HLCS: variants seen among roughly 807,000 people sequenced by gnomAD.
HLCS encodes biotin--protein ligase.
A neutral mutation model predicts 75.0 loss-of-function variants in HLCS; 53 were observed. The ratio of observed to expected loss-of-function variants is 0.71; its 90% CI spans 0.57 to 0.89. The LOEUF (loss-of-function observed/expected upper bound fraction) is 0.89. HLCS is among the 40% of genes least tolerant of loss of function. HLCS has a pLI of 0.00. For missense variants in HLCS, 966 were observed against 1,074.0 expected, an observed-to-expected ratio of 0.90 and a Z score of 1.41; for synonymous variants, 431 against 428.6, an observed-to-expected ratio of 1.01 and a Z score of -0.07.
rs1426662530 is a variant in HLCS, at chr21:36,936,742, C to T, written c.1144G>A (p.Ala382Thr). Reference sequence around the variant, plus strand: ...ACCTTCCCTCCCTGAGAAAGATAGGCCATGAACTTCTGGTACAGGTCTTCG... The same window carrying T: ...ACCTTCCCTCCCTGAGAAAGATAGGTCATGAACTTCTGGTACAGGTCTTCG... The part of the protein sequence containing the change: ...IPEDLYQKFM[A>T]YLSQGGKVLG... The change falls in exon 4 of 11, where the codon GCC (alanine) becomes ACC (threonine). Residue 382 changes from alanine (A) to threonine (T), a missense_variant. By Grantham distance (58) the Ala-to-Thr change is moderately conservative. Coordinates refer to ENST00000674895, the MANE Select transcript of HLCS (RefSeq NM_001352514.2). The T allele has an allele frequency of 1.2e-6, 2 of 1,614,226 alleles. No individual in the cohort carries two copies. Among genetic ancestry groups the T allele is most frequent in the South Asian group, 2.2e-5 (2 of 91,084 alleles).
At chr21:36,878,229 C>T (rs1490658751) in intron 6 of HLCS, among the ~76,000 whole-genome samples, 1 of 151,626 alleles carries the variant, frequency 6.6e-6, no homozygotes, top group East Asian at 1.9e-4. Flanking sequence ...GTCCCTGAGG[C>T]TCTGTTTATT....
At chr21:36,783,498 G>A (rs113989441) in intron 6 of HLCS, among the ~76,000 whole-genome samples, 2,411 of 152,214 alleles carry the variant, frequency 0.016, 77 homozygotes, top group African/African-American at 0.055. Flanking sequence ...TTACTAGGAC[G>A]GCACAACAAC....
chr21:36,909,178 C>T (rs1425928444), intron 5 of HLCS, among the ~76,000 whole-genome samples: 1 of 152,082 alleles, frequency 6.6e-6, no homozygotes, highest in East Asian at 1.9e-4. Context: ...GCCTGGGCAA[C>T]AGAGCGAGAC....
chr21:36,750,307 A>G lies in HLCS; in HGVS notation c.*3939T>C, dbSNP rs1438892557. On this transcript the variant is annotated 3_prime_UTR_variant, in exon 11 of 11. Transcript: ENST00000674895. ...CAAATGGATTTGAGAAATAAGCCCA[A>G]TTCAAGGCTGGCTCAGCCCTCCACG... Among the ~76,000 whole-genome samples, 1 of 152,248 alleles carries G rather than the reference A, an allele frequency of 6.6e-6. No homozygotes were observed. Among genetic ancestry groups the G allele is most frequent in the Non-Finnish European group, 1.5e-5 (1 of 68,048 alleles).
At chr21:36,822,762 A>T (rs2061886198) in intron 6 of HLCS, among the ~76,000 whole-genome samples, 1 of 152,218 alleles carries the variant, frequency 6.6e-6, no homozygotes, top group South Asian at 2.1e-4. Context: ...ATGGTTATGC[A>T]GGCCAATTAT....
intron 6 of HLCS, among the ~76,000 whole-genome samples, chr21:36,771,343 G>C (rs1405686118): frequency 6.6e-6 from 1 of 152,174 alleles, no homozygotes; most frequent in Non-Finnish European, 1.5e-5. Flanking sequence ...ATACTAACAA[G>C]TGAGCAGAAA....
chr21:36,849,040 C>T (rs1035533013), intron 6 of HLCS, among the ~76,000 whole-genome samples: 9 of 152,224 alleles, frequency 5.9e-5, no homozygotes, highest in African/African-American at 1.9e-4. Context: ...CCTGTGAAGA[C>T]AATAACAACA....
At chr21:36,847,240 A>T (rs1316079472) in intron 6 of HLCS, among the ~76,000 whole-genome samples, 1 of 152,208 alleles carries the variant, frequency 6.6e-6, no homozygotes, top group Non-Finnish European at 1.5e-5. Flanking sequence ...ATTGAAATAA[A>T]GGCTTGGAGG....
intron 2 of HLCS, among the ~76,000 whole-genome samples, chr21:36,958,647 G>C (rs1265247388): frequency 2.0e-5 from 3 of 152,078 alleles, no homozygotes; most frequent in Admixed American, 2.0e-4. Flanking sequence ...CAATTAGCTG[G>C]GCGTGGCAGC....
intron 6 of HLCS, among the ~76,000 whole-genome samples, chr21:36,887,286 C>T (rs889028374): frequency 6.6e-6 from 1 of 152,136 alleles, no homozygotes; most frequent in African/African-American, 2.4e-5. Context: ...TACTGCACCC[C>T]GGAATGATGA....
intron 6 of HLCS, among the ~76,000 whole-genome samples, chr21:36,795,005 G>A (rs925603095): frequency 6.6e-6 from 1 of 152,002 alleles, no homozygotes; most frequent in East Asian, 1.9e-4. Flanking sequence ...TGGAGTGGGA[G>A]GGAGAGGTCT....
intron 6 of HLCS, among the ~76,000 whole-genome samples, chr21:36,815,664 G>C (rs553317053): frequency 1.3e-5 from 2 of 152,078 alleles, no homozygotes; most frequent in Non-Finnish European, 2.9e-5. Flanking sequence ...TTGAGATTTC[G>C]GGACCTGGCC....
chr21:36,759,614 A>C (rs1042646470), intron 9 of HLCS, 113 bp downstream of exon 9: 5 of 722,202 alleles, frequency 6.9e-6, no homozygotes, highest in Non-Finnish European at 1.0e-5. Context: ...TACAAGACTC[A>C]AAGTAACCTC....
intron 6 of HLCS, among the ~76,000 whole-genome samples, chr21:36,794,234 T>C (rs2060958764): frequency 6.6e-6 from 1 of 152,198 alleles, no homozygotes; most frequent in Non-Finnish European, 1.5e-5. Context: ...GAGCTGGCAT[T>C]CTAGTATGTG....
chr21:36,841,796 T>A (rs183939159), intron 6 of HLCS, among the ~76,000 whole-genome samples: 1 of 152,304 alleles, frequency 6.6e-6, no homozygotes, highest in African/African-American at 2.4e-5. Flanking sequence ...AGCCACAGGG[T>A]AGGCCTGGCA....
rs2060642604 is a variant in HLCS at position 36,784,941 on chromosome 21, G to A, written c.1893-17656C>T. Among the ~76,000 whole-genome samples, 3 of 152,122 alleles carry A rather than the reference G, an allele frequency of 2.0e-5. 1 individual carries two copies. The South Asian group carries it at 6.2e-4, about 32-fold the overall frequency. ...AATAAGAAGTTTCTTTACCTACAGA[G>A]TGAAGGGGCATCTGAAACACCTGGG... On this transcript the variant is annotated intron_variant, in intron 6 of 10. Transcript: ENST00000674895.
chr21:36,787,680 G>A (rs1293024458), intron 6 of HLCS, among the ~76,000 whole-genome samples: 1 of 152,158 alleles, frequency 6.6e-6, no homozygotes, highest in East Asian at 1.9e-4. Context: ...TTCACAACCA[G>A]GCGCTGCTTC....
intron 6 of HLCS, among the ~76,000 whole-genome samples, chr21:36,844,973 T>C (rs1220540967): frequency 6.6e-6 from 1 of 152,098 alleles, no homozygotes; most frequent in Non-Finnish European, 1.5e-5. Flanking sequence ...GCAGAGAAGG[T>C]CAATTGGGCC....
chr21:36,781,990 A>G (rs1388377006), intron 6 of HLCS, among the ~76,000 whole-genome samples: 1 of 91,914 alleles, frequency 1.1e-5, no homozygotes, highest in Non-Finnish European at 2.1e-5. Context: ...TAAGAGATCT[A>G]TTAATTTTTT....
Sources: allele counts gnomAD v4.1 joint callset (sites outside exome capture counted in the v4.1 genomes callset), GRCh38; gene constraint gnomAD v4.1.1; transcripts MANE v1.5; gene names NCBI Gene and HGNC (gene_info 2026-07-23, HGNC 2026-07-21).